NDUFAF2: variants seen among roughly 807,000 people sequenced by gnomAD.
NDUFAF2 encodes NADH dehydrogenase [ubiquinone] 1 alpha subcomplex assembly factor 2.
In NDUFAF2, 13 loss-of-function variants were observed where a neutral mutation model predicts 22.8. That is an observed-to-expected ratio of 0.57 (90% confidence interval 0.37 to 0.91). NDUFAF2 has a LOEUF of 0.91. Ranked by LOEUF, NDUFAF2 falls within the 40% of genes least tolerant of loss-of-function variation. The pLI is 0.01. For synonymous variants in NDUFAF2, 53 were observed against 64.2 expected, an observed-to-expected ratio of 0.83 and a Z score of 0.84; for missense variants, 162 against 195.2, an observed-to-expected ratio of 0.83 and a Z score of 1.01.
chr5:61,144,993 C>T (rs1039354801), intron 3 of NDUFAF2, among the ~76,000 whole-genome samples: 3 of 152,126 alleles, frequency 2.0e-5, no homozygotes, highest in African/African-American at 7.2e-5. Flanking sequence ...TAGGATTTTG[C>T]ATGAGGGACT....
rs529564396 is a variant in NDUFAF2 at position 61,123,362 on chromosome 5, A to G, written c.258+24330A>G. On this transcript the variant is annotated intron_variant, in intron 3 of 3. Coordinates refer to ENST00000296597, the MANE Select transcript of NDUFAF2 (RefSeq NM_174889.5). ...AAAACTAGATAGTATAGCCTACTAC[A>G]CACCCTGTCTATATAGTATAGCCCA... Among the ~76,000 whole-genome samples, 484 of 152,262 alleles carry G rather than the reference A, an allele frequency of 3.2e-3. 3 individuals are homozygous for G. Among genetic ancestry groups the G allele is most frequent in the African/African-American group, 0.011 (448 of 41,568 alleles).
chr5:61,054,353 A>G (rs1474851829), intron 1 of NDUFAF2, among the ~76,000 whole-genome samples: 2 of 152,224 alleles, frequency 1.3e-5, no homozygotes. Context: ...TATTTGAGAG[A>G]TTTGAAAGGA....
At chr5:61,115,845 G>T (rs1752905760) in intron 3 of NDUFAF2, 1 of 152,076 alleles carries the variant, frequency 6.6e-6, no homozygotes, top group Non-Finnish European at 1.5e-5. Context: ...CTAGAAAAAA[G>T]GAAAAGGATG....
chr5:60,976,062 T>G (rs1314823209), intron 1 of NDUFAF2, among the ~76,000 whole-genome samples: 1 of 152,236 alleles, frequency 6.6e-6, no homozygotes, highest in Non-Finnish European at 1.5e-5. Context: ...TTAAAAGAAC[T>G]GCTAATCTTT....
At chr5:61,124,928 G>A (rs1285017914) in intron 3 of NDUFAF2, among the ~76,000 whole-genome samples, 1 of 152,076 alleles carries the variant, frequency 6.6e-6, no homozygotes, top group African/African-American at 2.4e-5. Flanking sequence ...CATGACAGAA[G>A]GCAAAGGGGA....
chr5:61,037,100 C>G (rs1188336678), intron 1 of NDUFAF2, among the ~76,000 whole-genome samples: 1 of 152,072 alleles, frequency 6.6e-6, no homozygotes. Flanking sequence ...GGATCTTGCT[C>G]TCTTGTGTGG....
intron 1 of NDUFAF2, among the ~76,000 whole-genome samples, chr5:60,983,386 C>A (rs1751015963): frequency 1.9e-5 from 1 of 53,730 alleles, no homozygotes; most frequent in African/African-American, 5.4e-5. Context: ...TTTTGCTGTG[C>A]AGAAGCTCTT....
At chr5:61,075,160 T>G (rs1475308483) in intron 2 of NDUFAF2, among the ~76,000 whole-genome samples, 3 of 152,204 alleles carry the variant, frequency 2.0e-5, no homozygotes, top group African/African-American at 7.2e-5. Flanking sequence ...TTAATTTACC[T>G]GGGTTATATA....
intron 1 of NDUFAF2, among the ~76,000 whole-genome samples, chr5:60,946,294 A>T (rs158918): frequency 0.87 from 132,931 of 152,186 alleles, 58,351 homozygotes; most frequent in East Asian, 0.95. Flanking sequence ...CCAAGTCTCA[A>T]CATCCTCACT....
At chr5:60,988,529 C>A (rs1177561352) in intron 1 of NDUFAF2, among the ~76,000 whole-genome samples, 5 of 152,066 alleles carry the variant, frequency 3.3e-5, no homozygotes, top group Non-Finnish European at 4.4e-5. Context: ...CTTCAAACTA[C>A]ACCCACAGGG....
chr5:61,000,888 A>G lies in NDUFAF2; in HGVS notation c.127+55506A>G, dbSNP rs570472590. Among the ~76,000 whole-genome samples, 17 of 152,320 alleles carry G rather than the reference A, an allele frequency of 1.1e-4. No individual in the cohort carries two copies. The East Asian group carries it at 3.1e-3, about 28-fold the overall frequency. ...GAATAACATTGAGAGATACTAATAG[A>G]GAATGGGTATATGCCTAGAAACCAT... On this transcript the variant is annotated intron_variant, in intron 1 of 3. Transcript: ENST00000296597.
intron 2 of NDUFAF2, among the ~76,000 whole-genome samples, chr5:61,074,652 C>T (rs1003712155): frequency 1.2e-4 from 18 of 151,800 alleles, no homozygotes; most frequent in Admixed American, 6.6e-5. Flanking sequence ...CCCAGCTACT[C>T]GGGAGGCTGA....
At chr5:60,945,803 G>T (rs1485581853) in intron 1 of NDUFAF2, among the ~76,000 whole-genome samples, 1 of 152,210 alleles carries the variant, frequency 6.6e-6, no homozygotes, top group African/African-American at 2.4e-5. Flanking sequence ...TTCGTACGCT[G>T]TTCCCCGCCT....
intron 2 of NDUFAF2, among the ~76,000 whole-genome samples, chr5:61,081,628 A>G (rs1212330403): frequency 6.6e-6 from 1 of 152,228 alleles, no homozygotes; most frequent in East Asian, 1.9e-4. Flanking sequence ...GCATGTAAAG[A>G]TCAAATGCCC....
At chr5:61,071,294 G>A (rs552066089) in intron 1 of NDUFAF2, among the ~76,000 whole-genome samples, 3 of 152,260 alleles carry the variant, frequency 2.0e-5, no homozygotes, top group East Asian at 1.9e-4. Flanking sequence ...GAACCTCTGC[G>A]TTAGGATTAA....
chr5:61,064,425 CCAA>C (rs1033648398), intron 1 of NDUFAF2, among the ~76,000 whole-genome samples: 120 of 152,168 alleles, frequency 7.9e-4, no homozygotes, highest in African/African-American at 2.7e-3. Flanking sequence ...AACTTTGCAT[CCAA>C]CAACAACAGA....
At position 61,150,003 on chromosome 5, in the gene NDUFAF2, C is replaced by T. The variant is rs1424876032; in HGVS notation, c.259-2701C>T. Among the ~76,000 whole-genome samples, 13 of 152,286 alleles carry T rather than the reference C, an allele frequency of 8.5e-5. No homozygotes were observed. The East Asian group carries it at 1.7e-3, about 20-fold the overall frequency. On this transcript the variant is annotated intron_variant, in intron 3 of 3. Transcript: ENST00000296597. ...GGAGTGCCGTGGTACAATCTCAGCTCACTGCAACCTCCACCTCCCAGGTTC... is the reference window on the plus strand; with the variant it reads ...GGAGTGCCGTGGTACAATCTCAGCTTACTGCAACCTCCACCTCCCAGGTTC...
At chr5:61,121,929 C>G (rs998119708) in intron 3 of NDUFAF2, among the ~76,000 whole-genome samples, 7 of 151,272 alleles carry the variant, frequency 4.6e-5, no homozygotes, top group Non-Finnish European at 8.8e-5. Flanking sequence ...CTCCCAGGTT[C>G]AAGCAATTCC....
chr5:61,064,328 G>T (rs1752203413), intron 1 of NDUFAF2, among the ~76,000 whole-genome samples: 1 of 152,048 alleles, frequency 6.6e-6, no homozygotes. Flanking sequence ...ATTCAAAAAT[G>T]GGCAGATTAA....
Sources: allele counts gnomAD v4.1 joint callset (sites outside exome capture counted in the v4.1 genomes callset), GRCh38; gene constraint gnomAD v4.1.1; transcripts MANE v1.5; gene names NCBI Gene and HGNC (gene_info 2026-07-23, HGNC 2026-07-21).